The following CEP112 variants were observed in gnomAD, a reference collection of about 807,000 sequenced individuals.
CEP112 encodes centrosomal protein of 112 kDa.
In CEP112, 127 loss-of-function variants were observed where a neutral mutation model predicts 153.0. The ratio of observed to expected loss-of-function variants is 0.83; its 90% CI spans 0.72 to 0.96. The LOEUF is 0.96. Among genes scored for constraint, CEP112 ranks in the 40% least tolerant of loss-of-function variants. The pLI is 0.00. For missense variants in CEP112, 1,089 were observed against 1,101.2 expected (o/e 0.99, Z 0.16); for synonymous variants, 358 against 374.4 (o/e 0.96, Z 0.51).
chr17:65,756,000 G>T (rs1354512731), intron 21 of CEP112, among the ~76,000 whole-genome samples: 1 of 152,146 alleles, frequency 6.6e-6, no homozygotes, highest in Non-Finnish European at 1.5e-5. Context: ...TACTGGATGA[G>T]ATCCCAAGTA....
At chr17:65,856,007 G>A (rs909891384) in intron 20 of CEP112, among the ~76,000 whole-genome samples, 14 of 152,184 alleles carry the variant, frequency 9.2e-5, no homozygotes, top group African/African-American at 3.4e-4. Context: ...GCAGTGAACC[G>A]TGGTCATACC....
At chr17:65,990,518 T>C (rs1013637922) in intron 17 of CEP112, among the ~76,000 whole-genome samples, 1 of 152,220 alleles carries the variant, frequency 6.6e-6, no homozygotes, top group Non-Finnish European at 1.5e-5. Flanking sequence ...TTAGTGCTGC[T>C]CTGTCATGGT....
intron 21 of CEP112, among the ~76,000 whole-genome samples, chr17:65,828,778 T>G (rs1430443037): frequency 6.6e-6 from 1 of 152,126 alleles, no homozygotes; most frequent in African/African-American, 2.4e-5. Context: ...AAAATCCATG[T>G]GATTATGATG....
At chr17:66,038,353 TA>T (rs2065831206) in intron 12 of CEP112, among the ~76,000 whole-genome samples, 1 of 152,148 alleles carries the variant, frequency 6.6e-6, no homozygotes, top group African/African-American at 2.4e-5. Context: ...TTATTCATTT[TA>T]TTTTTGATTT....
intron 17 of CEP112, among the ~76,000 whole-genome samples, chr17:66,001,393 G>T (rs1464181832): frequency 1.3e-5 from 2 of 152,130 alleles, no homozygotes; most frequent in African/African-American, 4.8e-5. Context: ...CCATTCTGTA[G>T]GTTGTGTTTC....
At chr17:65,920,899 A>G (rs2060701652) in intron 19 of CEP112, among the ~76,000 whole-genome samples, 1 of 152,128 alleles carries the variant, frequency 6.6e-6, no homozygotes, top group Non-Finnish European at 1.5e-5. Context: ...GGCATTTTAT[A>G]TTCAACCTCA....
chr17:65,978,868 A>G (rs376663100), intron 17 of CEP112, among the ~76,000 whole-genome samples: 80 of 152,324 alleles, frequency 5.3e-4, no homozygotes, highest in Middle Eastern at 3.4e-3. Flanking sequence ...TTCTACTGAC[A>G]CTCATTTAAA....
At chr17:65,947,513 G>A (rs1211003374) in intron 18 of CEP112, among the ~76,000 whole-genome samples, 1 of 152,090 alleles carries the variant, frequency 6.6e-6, no homozygotes, top group African/African-American at 2.4e-5. Context: ...TTTCTAGCCT[G>A]ATATTCTCAG....
At chr17:66,129,421 CCCCT>C (rs2070020760) in intron 6 of CEP112, among the ~76,000 whole-genome samples, 1 of 152,164 alleles carries the variant, frequency 6.6e-6, no homozygotes, top group Admixed American at 6.5e-5. Flanking sequence ...TCCCTTCCCT[CCCCT>C]CCACCTCGGG....
At chr17:65,737,396 C>T (rs2050865455) in intron 23 of CEP112, among the ~76,000 whole-genome samples, 1 of 152,138 alleles carries the variant, frequency 6.6e-6, no homozygotes, top group South Asian at 2.1e-4. Context: ...ATCACCAAAT[C>T]TGGAGAGAAG....
At chr17:65,722,454 G>A (rs1397467570) in intron 23 of CEP112, among the ~76,000 whole-genome samples, 1 of 152,062 alleles carries the variant, frequency 6.6e-6, no homozygotes, top group East Asian at 1.9e-4. Context: ...TCACCATGTT[G>A]GCCAGGTTGG....
At chr17:66,143,374 C>T (rs1315317242) in intron 4 of CEP112, among the ~76,000 whole-genome samples, 1 of 152,190 alleles carries the variant, frequency 6.6e-6, no homozygotes, top group Non-Finnish European at 1.5e-5. Context: ...CACATCTTTA[C>T]ACACTTGGTT....
intron 21 of CEP112, among the ~76,000 whole-genome samples, chr17:65,835,550 A>G (rs2057274189): frequency 6.6e-6 from 1 of 152,200 alleles, no homozygotes; most frequent in African/African-American, 2.4e-5. Context: ...GTAGGATGCT[A>G]TATTCCAAGT....
chr17:65,801,682 T>C (rs1412727384), intron 21 of CEP112, among the ~76,000 whole-genome samples: 1 of 152,218 alleles, frequency 6.6e-6, no homozygotes, highest in Admixed American at 6.5e-5. Context: ...TAAGGGCTTT[T>C]AGTATTTCAT....
rs759510365 is a variant in CEP112 at position 65,851,909 on chromosome 17, T to C, written c.2289A>G (p.Thr763=). The C allele has an allele frequency of 1.9e-6, 3 of 1,614,190 alleles. No individual in the cohort carries two copies. Among genetic ancestry groups the C allele is most frequent in the South Asian group, 2.2e-5 (2 of 91,080 alleles). ...TATTGACGACAATCTCATGTTCCCT[T>C]GTAGCCCTTTGCTTTTCCTCTTCAC... The part of the protein sequence containing the change: ...LLREEEKQRA[T]REHEIVVNKL... The change falls in exon 21 of 27, where the codon ACA becomes ACG. Residue 763 remains threonine, a synonymous_variant. Coordinates refer to ENST00000535342, the MANE Select transcript of CEP112 (RefSeq NM_001199165.4).
intron 6 of CEP112, among the ~76,000 whole-genome samples, chr17:66,121,679 A>G (rs1353641555): frequency 6.6e-6 from 1 of 150,882 alleles, no homozygotes; most frequent in African/African-American, 2.4e-5. Flanking sequence ...GTTTAACACT[A>G]TAATTTCCAT....
intron 4 of CEP112, among the ~76,000 whole-genome samples, chr17:66,134,086 GAT>G (rs2070324859): frequency 1.3e-5 from 2 of 151,770 alleles, no homozygotes; most frequent in Admixed American, 6.6e-5. Flanking sequence ...GAGGTAACCT[GAT>G]ATGTCATACT....
chr17:66,055,572 T>C (rs2066646192), intron 11 of CEP112, among the ~76,000 whole-genome samples: 1 of 152,172 alleles, frequency 6.6e-6, no homozygotes, highest in Admixed American at 6.5e-5. Flanking sequence ...GGAGCAATTA[T>C]ATGATGTAGT....
At chr17:65,753,370 C>A (rs146062268) in intron 21 of CEP112, among the ~76,000 whole-genome samples, 16 of 152,154 alleles carry the variant, frequency 1.1e-4, no homozygotes, top group Admixed American at 1.0e-3. Context: ...CCTCTTCTAT[C>A]GCCTCAGTCC....
Sources: gnomAD v4.1 joint callset for allele counts (sites outside exome capture counted in the v4.1 genomes callset) on GRCh38, gnomAD v4.1.1 for gene constraint, MANE v1.5 for transcripts, NCBI Gene and HGNC (gene_info 2026-07-23, HGNC 2026-07-21) for gene names.